Variants in OSBPL8 observed in about 807,000 individuals in gnomAD.
The protein encoded by OSBPL8 is oxysterol-binding protein-related protein 8.
In OSBPL8, 59 loss-of-function variants were observed where a neutral mutation model predicts 125.5. The ratio of observed to expected loss-of-function variants is 0.47; its 90% CI spans 0.38 to 0.58. The LOEUF (loss-of-function observed/expected upper bound fraction) is 0.58. OSBPL8 is among the 20% of genes least tolerant of loss of function. The pLI is 0.00. For missense variants in OSBPL8, 758 were observed against 1,047.8 expected (o/e 0.72, Z 3.82); for synonymous variants, 330 against 338.9 (o/e 0.97, Z 0.29).
intron 2 of OSBPL8, among the ~76,000 whole-genome samples, chr12:76,472,262 A>C (rs1249962109): frequency 6.6e-6 from 1 of 152,194 alleles, no homozygotes; most frequent in Non-Finnish European, 1.5e-5. Context: ...TATATGTAAA[A>C]TTGGTCTTTA....
At chr12:76,497,860 G>A (rs7132264) in intron 1 of OSBPL8, among the ~76,000 whole-genome samples, 15 of 152,312 alleles carry the variant, frequency 9.8e-5, no homozygotes, top group Admixed American at 9.1e-4. Context: ...AAGCAGTAGT[G>A]TGTTAGGATT....
At chr12:76,434,796 G>C (rs932940556) in intron 4 of OSBPL8, among the ~76,000 whole-genome samples, 1 of 152,058 alleles carries the variant, frequency 6.6e-6, no homozygotes, top group African/African-American at 2.4e-5. Flanking sequence ...GGAAACACAA[G>C]TCAAAACCTC....
intron 21 of OSBPL8, among the ~76,000 whole-genome samples, chr12:76,359,967 C>A (rs1294077787): frequency 1.3e-5 from 2 of 152,148 alleles, no homozygotes; most frequent in Non-Finnish European, 2.9e-5. Context: ...GGACACAGAG[C>A]CAAATCGTAT....
chr12:76,515,643 G>A (rs1881460623), intron 1 of OSBPL8, among the ~76,000 whole-genome samples: 1 of 152,136 alleles, frequency 6.6e-6, no homozygotes, highest in Non-Finnish European at 1.5e-5. Flanking sequence ...GCCCACTGCA[G>A]TTCTGGGGTA....
chr12:76,394,015 T>C (rs1953686036), intron 9 of OSBPL8, among the ~76,000 whole-genome samples: 1 of 152,038 alleles, frequency 6.6e-6, no homozygotes. Context: ...CGAGACTCCA[T>C]CTCAAAAACA....
At chr12:76,523,622 C>G (rs1339235461) in intron 1 of OSBPL8, among the ~76,000 whole-genome samples, 1 of 152,066 alleles carries the variant, frequency 6.6e-6, no homozygotes, top group Non-Finnish European at 1.5e-5. Flanking sequence ...AGAAGAGATA[C>G]AAGAGAGCTT....
intron 1 of OSBPL8, among the ~76,000 whole-genome samples, chr12:76,517,557 T>A (rs1037392728): frequency 6.6e-6 from 1 of 152,202 alleles, no homozygotes; most frequent in Non-Finnish European, 1.5e-5. Context: ...AAATTTTAAA[T>A]ACTTGGCTTT....
intron 21 of OSBPL8, among the ~76,000 whole-genome samples, chr12:76,359,991 C>T (rs538097740): frequency 1.3e-5 from 2 of 152,284 alleles, no homozygotes; most frequent in South Asian, 4.1e-4. Flanking sequence ...TCTACCCTGG[C>T]CCCTCCAAAT....
chr12:76,367,681 T>C (rs570435059), intron 21 of OSBPL8, among the ~76,000 whole-genome samples: 2 of 152,298 alleles, frequency 1.3e-5, no homozygotes, highest in East Asian at 1.9e-4. Flanking sequence ...GTGTAAACTG[T>C]TTCAATTCCC....
chr12:76,415,725 T>C (rs2136453369), intron 4 of OSBPL8, among the ~76,000 whole-genome samples: 1 of 152,332 alleles, frequency 6.6e-6, no homozygotes, highest in South Asian at 2.1e-4. Context: ...GCTCCAACTA[T>C]AGTTATATCT....
At chr12:76,543,066 A>C (rs1950690391) in intron 1 of OSBPL8, among the ~76,000 whole-genome samples, 1 of 152,268 alleles carries the variant, frequency 6.6e-6, no homozygotes, top group South Asian at 2.1e-4. Flanking sequence ...AGCACTTCCC[A>C]CAATGGTAAT....
At chr12:76,426,723 T>C (rs1017567095) in intron 4 of OSBPL8, among the ~76,000 whole-genome samples, 6 of 152,198 alleles carry the variant, frequency 3.9e-5, no homozygotes, top group Admixed American at 1.3e-4. Flanking sequence ...TACATATACA[T>C]GTAAATGTTT....
intron 4 of OSBPL8, among the ~76,000 whole-genome samples, chr12:76,436,784 A>C (rs1332308657): frequency 6.6e-6 from 1 of 152,178 alleles, no homozygotes; most frequent in Non-Finnish European, 1.5e-5. Flanking sequence ...TATGATATAC[A>C]CAAGTTTATA....
At chr12:76,530,265 C>A (rs1418574643) in intron 1 of OSBPL8, among the ~76,000 whole-genome samples, 1 of 139,542 alleles carries the variant, frequency 7.2e-6, no homozygotes. Flanking sequence ...ACTATGTTGC[C>A]AAGGCTGGTT....
intron 1 of OSBPL8, among the ~76,000 whole-genome samples, chr12:76,547,665 C>T: frequency 6.6e-6 from 1 of 152,084 alleles, no homozygotes; most frequent in Admixed American, 6.6e-5. Flanking sequence ...AACCCCTCAC[C>T]CATCTAGATA....
intron 4 of OSBPL8, among the ~76,000 whole-genome samples, chr12:76,434,134 A>G (rs1264483693): frequency 6.6e-6 from 1 of 152,178 alleles, no homozygotes; most frequent in Non-Finnish European, 1.5e-5. Flanking sequence ...TCAAAATGGT[A>G]TAGCATTGGC....
intron 4 of OSBPL8, among the ~76,000 whole-genome samples, chr12:76,414,781 G>T (rs539158386): frequency 6.6e-6 from 1 of 152,102 alleles, no homozygotes; most frequent in South Asian, 2.1e-4. Flanking sequence ...GATATTTAAG[G>T]AAGTTCACTC....
chr12:76,540,501 T>C (rs904377499), intron 1 of OSBPL8, among the ~76,000 whole-genome samples: 2 of 151,398 alleles, frequency 1.3e-5, no homozygotes, highest in Non-Finnish European at 2.9e-5. Context: ...TGTGTGTGTG[T>C]GTGTGTGTGT....
intron 21 of OSBPL8, among the ~76,000 whole-genome samples, chr12:76,367,850 T>C (rs917284343): frequency 1.3e-5 from 2 of 152,236 alleles, no homozygotes; most frequent in Non-Finnish European, 2.9e-5. Context: ...CCATCCTCTC[T>C]GCTTTTATGT....
Sources: gnomAD v4.1 joint callset for allele counts (sites outside exome capture counted in the v4.1 genomes callset) on GRCh38, gnomAD v4.1.1 for gene constraint, MANE v1.5 for transcripts, NCBI Gene and HGNC (gene_info 2026-07-23, HGNC 2026-07-21) for gene names.